Variants in RXYLT1 observed in about 807,000 individuals in gnomAD.
RXYLT1 encodes the protein ribitol xylosyltransferase 1.
A neutral mutation model predicts 43.5 loss-of-function variants in RXYLT1; 41 were observed. The observed-to-expected ratio is 0.94, with a 90% CI of 0.73 to 1.22. RXYLT1 has a LOEUF of 1.22. Ranked by LOEUF, RXYLT1 falls within the 50% of genes most tolerant of loss-of-function variation. The pLI is 0.00. For synonymous variants in RXYLT1, 166 were observed against 194.4 expected (o/e 0.85, Z 1.21); for missense variants, 514 against 532.0 (o/e 0.97, Z 0.33).
At chr12:63,793,287 C>A (rs994932269) in intron 3 of RXYLT1, among the ~76,000 whole-genome samples, 5 of 152,020 alleles carry the variant, frequency 3.3e-5, no homozygotes, top group African/African-American at 1.2e-4. Flanking sequence ...GTGCCCAATT[C>A]TTGATTATCT....
At chr12:63,796,511 A>G (rs1898033985) in intron 3 of RXYLT1, among the ~76,000 whole-genome samples, 1 of 152,196 alleles carries the variant, frequency 6.6e-6, no homozygotes, top group African/African-American at 2.4e-5. Flanking sequence ...GCATCCATAT[A>G]AATACCCAAA....
At position 63,794,590 on chromosome 12, in the gene RXYLT1, T is replaced by C. The variant is rs145459244; in HGVS notation, c.429-7501T>C. On this transcript the variant is annotated intron_variant, in intron 3 of 5. Coordinates refer to ENST00000261234, the MANE Select transcript of RXYLT1 (RefSeq NM_014254.3). ...CAGACAAACTAATAGCTGAAGGGGG[T>C]AGTGGATTTATTTGTAAAGTTATTA... 1.9e-3 allele frequency among the ~76,000 whole-genome samples: 291 copies of C among 151,822 alleles called. 1 individual carries two copies. The highest frequency in any genetic ancestry group is 6.8e-3 in the African/African-American group (282 of 41,344).
chr12:63,808,648 A>T (rs770527971), intron 5 of RXYLT1, 27 bp from the exon 6 acceptor site: 122 of 1,584,936 alleles, frequency 7.7e-5, no homozygotes, highest in Non-Finnish European at 1.0e-4. Flanking sequence ...TAAAGTGAAA[A>T]CTACAGTTGT....
rs759431935 is a variant in RXYLT1 at position 63,805,320 on chromosome 12, A to G, written c.830A>G (p.Tyr277Cys). ...PYLCNFLGTI[Y>C]ENSSRQALMN... The stretch of plus-strand genomic sequence containing the variant: ...TTATGTAATTTCTTAGGAACGATTT[A>G]TGAAAATTCATCCAGACAGGCACTA... The change falls in exon 5 of 6, where the codon TAT (tyrosine) becomes TGT (cysteine). Residue 277 changes from tyrosine (Y) to cysteine (C), a missense_variant. Tyr to Cys is a radical substitution (Grantham distance 194, BLOSUM62 -2). Coordinates refer to ENST00000261234, the MANE Select transcript of RXYLT1 (RefSeq NM_014254.3). 1 of 1,613,594 alleles carries G rather than the reference A, an allele frequency of 6.2e-7. No homozygotes were observed. Among genetic ancestry groups the G allele is most frequent in the Non-Finnish European group, 8.5e-7 (1 of 1,179,800 alleles).
Position 63,802,333 on chromosome 12 carries a change from T to G in RXYLT1, c.671T>G (p.Leu224Arg), listed in dbSNP as rs1898181314. 6.2e-7 allele frequency: 1 copy of G among 1,612,538 alleles called. No homozygotes were observed. Among genetic ancestry groups the G allele is most frequent in the African/African-American group, 1.3e-5 (1 of 74,928 alleles). The change falls in exon 4 of 6, where the codon CTG becomes CGG. Residue 224 changes from leucine (L) to arginine (R), a missense_variant. By Grantham distance (102) the Leu-to-Arg change is moderately radical. Transcript: ENST00000261234. The stretch of plus-strand genomic sequence containing the variant: ...AAAAGAAATGGAGGCTTCGTGGAGC[T>G]GCTTTTCATAATATATGACAGCCCC... ...FLKRNGGFVE[L>R]LFIIYDSPWI...
Position 63,787,776 on chromosome 12 carries a change from G to A in RXYLT1, c.428+2704G>A, listed in dbSNP as rs1485129831. 4.6e-5 allele frequency among the ~76,000 whole-genome samples: 7 copies of A among 152,060 alleles called. No homozygotes were observed. In the South Asian group the frequency reaches 8.3e-4, roughly 18 times the overall value. On this transcript the variant is annotated intron_variant, in intron 3 of 5. Transcript: ENST00000261234. ...CAAGTAGCTGGGACTATGGGCATAC[G>A]CCACCACACCCAGCTAATTTTTGTA...
intron 3 of RXYLT1, among the ~76,000 whole-genome samples, chr12:63,800,636 G>A (rs1190618691): frequency 1.3e-5 from 2 of 152,060 alleles, no homozygotes; most frequent in Non-Finnish European, 2.9e-5. Flanking sequence ...TAAAAAGAGA[G>A]TAGGCTGAGC....
chr12:63,800,987 GCT>G (rs1405797991), intron 3 of RXYLT1, among the ~76,000 whole-genome samples: 3 of 150,950 alleles, frequency 2.0e-5, no homozygotes, highest in Non-Finnish European at 1.5e-5. Context: ...ACAAATTTCA[GCT>G]CTCTGTCATA....
intron 3 of RXYLT1, chr12:63,785,333 C>T (rs545074503): frequency 3.8e-5 from 7 of 185,032 alleles, no homozygotes; most frequent in African/African-American, 7.0e-5. Context: ...TAGAAAAGTT[C>T]ATACTCCACA....
Position 63,802,214 on chromosome 12 carries a change from A to C in RXYLT1, c.552A>C (p.Ala184=), listed in dbSNP as rs1014677581. The stretch of plus-strand genomic sequence containing the variant: ...ATGCCACCCAGTGGTTACTTTATGC[A>C]CAAAATTTAGTGCAAATTCAAAAAC... ...IFYATQWLLY[A]QNLVQIQKLQ... is the part of the protein sequence containing the mutation. Residue 184 remains alanine, a synonymous_variant, in exon 4 of 6, where the codon GCA becomes GCC. Coordinates refer to ENST00000261234, the MANE Select transcript of RXYLT1 (RefSeq NM_014254.3). 1.2e-6 allele frequency: 2 copies of C among 1,614,174 alleles called. No individual in the cohort carries two copies. Among genetic ancestry groups the C allele is most frequent in the African/African-American group, 2.7e-5 (2 of 75,066 alleles).
chr12:63,793,417 G>A (rs145681900), intron 3 of RXYLT1, among the ~76,000 whole-genome samples: 69 of 151,994 alleles, frequency 4.5e-4, no homozygotes, highest in African/African-American at 1.5e-3. Flanking sequence ...TGATGCTTTT[G>A]CTTACACAAA....
At chr12:63,808,639 A>T in intron 5 of RXYLT1, 36 bp from the exon 6 acceptor site, 1 of 1,580,324 alleles carries the variant, frequency 6.3e-7, no homozygotes, top group Non-Finnish European at 8.5e-7. Flanking sequence ...TATACTTAGT[A>T]AAGTGAAAAC....
At chr12:63,800,622 C>T (rs1261487330) in intron 3 of RXYLT1, among the ~76,000 whole-genome samples, 1 of 151,870 alleles carries the variant, frequency 6.6e-6, no homozygotes, top group African/African-American at 2.4e-5. Flanking sequence ...TTTAAAAATA[C>T]AGTTAAAAAG....
chr12:63,780,039 GTCT>G lies in RXYLT1; in HGVS notation c.85_87del (p.Phe29del). 6.2e-7 allele frequency: 1 copy of G among 1,607,592 alleles called. No individual in the cohort carries two copies. The highest frequency in any genetic ancestry group is 8.5e-7 in the Non-Finnish European group (1 of 1,177,992). On this transcript the variant is annotated inframe_deletion, in exon 1 of 6. Transcript: ENST00000261234. ...ATTCTCCCTCTACGCTGCCTACCAC[GTCT>G]TCTTCGGGCGCCGCCGCCAGGCGCC...
chr12:63,782,447 G>A, intron 2 of RXYLT1: 1 of 452,696 alleles, frequency 2.2e-6, no homozygotes, highest in Admixed American at 2.4e-5. Flanking sequence ...GCACAAGTTT[G>A]CAGCTTCGTA....
At chr12:63,793,783 T>C (rs1349572368) in intron 3 of RXYLT1, among the ~76,000 whole-genome samples, 3 of 152,208 alleles carry the variant, frequency 2.0e-5, no homozygotes, top group African/African-American at 4.8e-5. Flanking sequence ...AGTATTATAT[T>C]ATTTTCTCTT....
chr12:63,780,900 G>A (rs3791156), intron 1 of RXYLT1, 119 bp from the exon 2 acceptor site: 2 of 888,310 alleles, frequency 2.3e-6, no homozygotes, highest in East Asian at 6.0e-5. Flanking sequence ...TTCAGTTGCT[G>A]TACCTCTCAG....
At chr12:63,793,252 A>G (rs576603528) in intron 3 of RXYLT1, among the ~76,000 whole-genome samples, 1 of 152,324 alleles carries the variant, frequency 6.6e-6, no homozygotes, top group South Asian at 2.1e-4. Context: ...TCTGTTAACT[A>G]TGATTTAACT....
chr12:63,783,916 C>T (rs1897743747), intron 2 of RXYLT1, among the ~76,000 whole-genome samples: 1 of 151,992 alleles, frequency 6.6e-6, no homozygotes, highest in African/African-American at 2.4e-5. Context: ...CTAGCGGCTA[C>T]CCGTATTCCT....
Sources: allele counts gnomAD v4.1 joint callset (sites outside exome capture counted in the v4.1 genomes callset), GRCh38; gene constraint gnomAD v4.1.1; transcripts MANE v1.5; gene names NCBI Gene and HGNC (gene_info 2026-07-23, HGNC 2026-07-21).